LTK: variants seen among roughly 807,000 people sequenced by gnomAD.
The protein encoded by LTK is leukocyte receptor tyrosine kinase.
A neutral mutation model predicts 101.5 loss-of-function variants in LTK; 117 were observed. The observed-to-expected ratio is 1.15, with a 90% CI of 0.99 to 1.34. LTK has a LOEUF of 1.34. Ranked by LOEUF, LTK falls within the 40% of genes most tolerant of loss-of-function variation. The probability of loss-of-function intolerance (pLI) is 0.00; values close to 1 mark genes in which losing one functional copy is unlikely to be tolerated. For missense variants in LTK, 1,252 were observed against 1,164.7 expected (o/e 1.07, Z -1.09); for synonymous variants, 563 against 494.2 (o/e 1.14, Z -1.85).
intron 3 of LTK, among the ~76,000 whole-genome samples, 176 bp downstream of exon 3, chr15:41,512,531 G>A (rs987991559): frequency 6.6e-6 from 1 of 152,214 alleles, no homozygotes; most frequent in African/African-American, 2.4e-5. Flanking sequence ...GGTGTAAGAG[G>A]TTCCGGGTAA....
In LTK at chr15:41,505,057, C is replaced by G; in HGVS notation, c.1933G>C (p.Ala645Pro). 1 of 1,612,664 alleles carries G rather than the reference C, an allele frequency of 6.2e-7. No homozygotes were observed. Among genetic ancestry groups the G allele is most frequent in the Non-Finnish European group, 8.5e-7 (1 of 1,179,288 alleles). ...EENHFIHRDI[A>P]ARNCLLSCAG... ...CAGCTCAGCAGGCAGTTCCGGGCGGCAATATCCCTACAGAGTAGGCAAAAA... is the reference window on the plus strand; with the variant it reads ...CAGCTCAGCAGGCAGTTCCGGGCGGGAATATCCCTACAGAGTAGGCAAAAA... Residue 645 changes from alanine (A) to proline (P), a missense_variant, in exon 16 of 20, where the codon GCC becomes CCC. Ala to Pro is a conservative substitution (Grantham distance 27). Transcript: ENST00000263800.
In LTK at chr15:41,512,781, C is replaced by G. The variant is rs1405866173; in HGVS notation, c.285G>C (p.Val95=). The G allele has an allele frequency of 1.2e-6, 2 of 1,611,878 alleles. No homozygotes were observed. Among genetic ancestry groups the G allele is most frequent in the Non-Finnish European group, 1.7e-6 (2 of 1,179,584 alleles). Residue 95 remains valine (V), a synonymous_variant, in exon 3 of 20, where the codon GTG becomes GTC. Transcript: ENST00000263800. ...GCCCGGCGGCCCCCACGGTCACCAC[C>G]ACGCTGGTCCCCGCGTACGCCCCGT... is the stretch of plus-strand genomic sequence containing the variant. ...QCDGAYAGTS[V]VVTVGAAGQL...
Position 41,505,084 on chromosome 15 carries a change from A to C in LTK, c.1926-20T>G. 1 of 1,601,566 alleles carries C rather than the reference A, an allele frequency of 6.2e-7. No individual in the cohort carries two copies. The highest frequency in any genetic ancestry group is 8.5e-7 in the Non-Finnish European group (1 of 1,172,126). ...ATATCCCTACAGAGTAGGCAAAAAAAATCACTGCCAGAATCTAGAAGTTCT... is the reference window on the plus strand; with the variant it reads ...ATATCCCTACAGAGTAGGCAAAAAACATCACTGCCAGAATCTAGAAGTTCT... On this transcript the variant is annotated intron_variant, in intron 15 of 19. Transcript: ENST00000263800.
At chr15:41,509,174 A>T (rs2051378452) in intron 7 of LTK, 45 bp from the exon 8 acceptor site, 1 of 1,171,330 alleles carries the variant, frequency 8.5e-7, no homozygotes, top group Admixed American at 1.7e-5. Context: ...AAAATGGGGG[A>T]TGGGGGAGAA....
chr15:41,505,647 T>C (rs976929126), intron 13 of LTK, 66 bp downstream of exon 13: 5 of 1,606,762 alleles, frequency 3.1e-6, no homozygotes, highest in Admixed American at 3.4e-5. Flanking sequence ...AGCCTCAGGG[T>C]GAAGAGAAAC....
Position 41,512,157 on chromosome 15 carries a change from C to G in LTK, c.468G>C (p.Leu156=). The G allele has an allele frequency of 1.2e-6, 2 of 1,611,636 alleles. No individual in the cohort carries two copies. Among genetic ancestry groups the G allele is most frequent in the Non-Finnish European group, 1.7e-6 (2 of 1,179,214 alleles). Residue 156 remains leucine, a synonymous_variant, in exon 4 of 20, where the codon CTG becomes CTC. Transcript: ENST00000263800. The part of the protein sequence containing the change: ...AIFSLGLGES[L]YILVGQQGED... Reference sequence around the variant, plus strand: ...CTCCCTGCTGCCCCACCAGGATGTACAGCGACTCCCCGAGACCGAGGGAGA... The same window carrying G: ...CTCCCTGCTGCCCCACCAGGATGTAGAGCGACTCCCCGAGACCGAGGGAGA...
chr15:41,511,527 G>A lies in LTK; in HGVS notation c.709C>T (p.Arg237Trp), dbSNP rs746456452. The A allele has an allele frequency of 2.0e-6, 3 of 1,464,640 alleles. No individual in the cohort carries two copies. Among genetic ancestry groups the A allele is most frequent in the Non-Finnish European group, 2.7e-6 (3 of 1,119,134 alleles). 90.7% of individuals were successfully genotyped at this position (1,464,640 alleles called of 1,614,324 possible). ...CGGTCCCGCGGCCTCAGGTAGGCCC[G>A]ACCGCCGCCTCCGGCCGCCACCAGC... ...PLLVAAGGGG[R>W]AYLRPRDRGR... is the part of the protein sequence containing the mutation. Residue 237 changes from arginine (R) to tryptophan (W), a missense_variant, in exon 6 of 20, where the codon CGG (arginine) becomes TGG (tryptophan). Coordinates refer to ENST00000263800, the MANE Select transcript of LTK (RefSeq NM_002344.6). The surrounding 1 kb of genome is among the most constrained non-coding windows in gnomAD (Gnocchi z 5.9).
intron 15 of LTK, 55 bp downstream of exon 15, chr15:41,505,153 G>T: frequency 6.3e-7 from 1 of 1,588,646 alleles, no homozygotes; most frequent in Non-Finnish European, 8.6e-7. Flanking sequence ...TGGAAGGGCT[G>T]TTCCTTGGGG....
chr15:41,509,285 G>A (rs533345744), intron 7 of LTK, among the ~76,000 whole-genome samples, 156 bp from the exon 8 acceptor site: 3 of 152,268 alleles, frequency 2.0e-5, no homozygotes, highest in East Asian at 3.9e-4. Context: ...AGGTGAGGAG[G>A]GGGTAATCAG....
At chr15:41,512,620 G>A (rs2051520498) in intron 3 of LTK, 87 bp downstream of exon 3, 1 of 1,412,578 alleles carries the variant, frequency 7.1e-7, no homozygotes, top group Admixed American at 2.8e-5. Flanking sequence ...CAAGACGCAA[G>A]TCGGTGCGCA....
intron 7 of LTK, 137 bp from the exon 8 acceptor site, chr15:41,509,266 G>C (rs2051381032): frequency 5.7e-6 from 4 of 695,700 alleles, no homozygotes; most frequent in Non-Finnish European, 1.0e-5. Flanking sequence ...TCACAAGTGG[G>C]AGTGAAGGAG....
At chr15:41,508,309 C>T (rs2051351483) in intron 8 of LTK, 88 bp from the exon 9 acceptor site, 2 of 1,172,376 alleles carry the variant, frequency 1.7e-6, no homozygotes, top group Non-Finnish European at 2.4e-6. Context: ...TGGCACACGC[C>T]TATAATCATT....
Position 41,504,415 on chromosome 15 carries a change from T to C in LTK, c.2273A>G (p.Gln758Arg). Reference sequence around the variant, plus strand: ...GAGCTCAGGCTCGTGCTGCCAACACTGGGTCATGATGCGGTACCTGGGGAG... The same window carrying C: ...GAGCTCAGGCTCGTGCTGCCAACACCGGGTCATGATGCGGTACCTGGGGAG... ...CPGPVYRIMT[Q>R]CWQHEPELRP... is the part of the protein sequence containing the mutation. The change falls in exon 19 of 20, where the codon CAG (glutamine) becomes CGG (arginine). Residue 758 changes from glutamine (Q) to arginine (R), a missense_variant. By Grantham distance (43) the Gln-to-Arg change is conservative. Transcript: ENST00000263800. The C allele has an allele frequency of 6.2e-7, 1 of 1,614,098 alleles. No homozygotes were observed. The highest frequency in any genetic ancestry group is 8.5e-7 in the Non-Finnish European group (1 of 1,179,988).
intron 1 of LTK, 36 bp from the exon 2 acceptor site, chr15:41,513,156 G>A: frequency 6.5e-7 from 1 of 1,548,100 alleles, no homozygotes; most frequent in South Asian, 1.2e-5. Context: ...GGACGTTAAG[G>A]CGGGTGGAAA....
intron 7 of LTK, among the ~76,000 whole-genome samples, chr15:41,509,794 G>C (rs915769034): frequency 6.6e-6 from 1 of 151,846 alleles, no homozygotes; most frequent in Non-Finnish European, 1.5e-5. Flanking sequence ...GGGAGGCGGA[G>C]GTTGCAGTGA....
At chr15:41,507,678 C>T (rs373512513) in intron 9 of LTK, 21 bp from the exon 10 acceptor site, 18 of 1,606,414 alleles carry the variant, frequency 1.1e-5, no homozygotes, top group Non-Finnish European at 1.5e-5. Flanking sequence ...AGAGAGACAC[C>T]TCCAGTGGGA....
Position 41,511,684 on chromosome 15 carries a change from C to G in LTK, c.658-106G>C, listed in dbSNP as rs2051468717. ...GGGGCCTGGATAAGGGCAGGGGCCC[C>G]CAGCCCAGCCCAGGCCAGCCCAGCC... On this transcript the variant is annotated intron_variant, in intron 5 of 19. Coordinates refer to ENST00000263800, the MANE Select transcript of LTK (RefSeq NM_002344.6). The surrounding 1 kb of genome is among the most constrained non-coding windows in gnomAD (Gnocchi z 5.9). 1 of 1,408,630 alleles carries G rather than the reference C, an allele frequency of 7.1e-7. No individual in the cohort carries two copies. Among genetic ancestry groups the G allele is most frequent in the Non-Finnish European group, 9.2e-7 (1 of 1,089,552 alleles). 87.3% of individuals were successfully genotyped at this position (1,408,630 alleles called of 1,614,324 possible). A position where few individuals can be genotyped will look rare whatever the true frequency, so the allele number is the denominator to read the frequency against.
intron 13 of LTK, 28 bp from the exon 14 acceptor site, chr15:41,505,558 T>C: frequency 1.2e-6 from 2 of 1,613,264 alleles, no homozygotes; most frequent in South Asian, 1.1e-5. Context: ...CATATCCCGT[T>C]ACCAGGAGGG....
At position 41,508,212 on chromosome 15, in the gene LTK, T is replaced by G. The variant is rs1344977356; in HGVS notation, c.1106A>C (p.Asn369Thr). The change falls in exon 9 of 20, where the codon AAC (asparagine) becomes ACC (threonine). Residue 369 changes from asparagine to threonine, a missense_variant. Coordinates refer to ENST00000263800, the MANE Select transcript of LTK (RefSeq NM_002344.6). ...CCTTCGGATCTCTACCTCTCCGTGG[T>G]TCTCGGTGACTGTGAGTAAAAGAAC... ...LFLQPLAVTE[N>T]HGEVEIRRHL... 3.7e-6 allele frequency: 6 copies of G among 1,610,748 alleles called. No homozygotes were observed. The African/African-American group carries it at 8.0e-5, about 22-fold the overall frequency.
Sources: gnomAD v4.1 joint callset for allele counts (sites outside exome capture counted in the v4.1 genomes callset) on GRCh38, gnomAD v4.1.1 for gene constraint, Gnocchi (gnomAD v3.1) non-coding constraint, MANE v1.5 for transcripts, NCBI Gene and HGNC (gene_info 2026-07-23, HGNC 2026-07-21) for gene names.